Variants in RNGTT observed in about 807,000 individuals in gnomAD.
RNGTT encodes RNA guanylyltransferase and 5'-phosphatase.
RNGTT carries 33 observed loss-of-function variants against 79.3 expected under a neutral mutation model. That is an observed-to-expected ratio of 0.42 (90% CI 0.32 to 0.56). RNGTT has a LOEUF of 0.56. Ranked by LOEUF, RNGTT falls within the 20% of genes least tolerant of loss-of-function variation. The pLI, the probability that RNGTT is intolerant of heterozygous loss-of-function variation, is 0.17. For missense variants in RNGTT, 497 were observed against 739.1 expected (o/e 0.67, Z 3.80); for synonymous variants, 222 against 235.9 (o/e 0.94, Z 0.54).
chr6:88,930,198 A>G (rs1282179538), intron 2 of RNGTT, among the ~76,000 whole-genome samples: 2 of 142,698 alleles, frequency 1.4e-5, no homozygotes, highest in Admixed American at 6.9e-5. Flanking sequence ...ATATACATAA[A>G]CATATATACA....
At chr6:88,860,337 C>T (rs766111522) in intron 8 of RNGTT, among the ~76,000 whole-genome samples, 1 of 152,110 alleles carries the variant, frequency 6.6e-6, no homozygotes, top group African/African-American at 2.4e-5. Context: ...TTGGAAGAAA[C>T]GATGGACACC....
At chr6:88,935,912 A>G (rs186658702) in intron 2 of RNGTT, among the ~76,000 whole-genome samples, 72 of 152,128 alleles carry the variant, frequency 4.7e-4, no homozygotes, top group African/African-American at 1.6e-3. Context: ...TTGTATGTTG[A>G]TTTCTTTTTT....
At chr6:88,842,517 T>A (rs1419708217) in intron 11 of RNGTT, among the ~76,000 whole-genome samples, 1 of 151,776 alleles carries the variant, frequency 6.6e-6, no homozygotes, top group Non-Finnish European at 1.5e-5. Flanking sequence ...ATAAACAGAA[T>A]TAGTATGTTC....
At chr6:88,830,609 A>C (rs1780827468) in intron 11 of RNGTT, among the ~76,000 whole-genome samples, 1 of 146,838 alleles carries the variant, frequency 6.8e-6, no homozygotes, top group African/African-American at 2.6e-5. Flanking sequence ...AGAGAGACAC[A>C]AAAAAAAAAC....
At chr6:88,876,695 C>G (rs1782529781) in intron 8 of RNGTT, among the ~76,000 whole-genome samples, 1 of 152,142 alleles carries the variant, frequency 6.6e-6, no homozygotes, top group African/African-American at 2.4e-5. Context: ...TTGTTTGGGT[C>G]CAGTAGCCCA....
At chr6:88,945,574 A>G (rs922231578) in intron 1 of RNGTT, among the ~76,000 whole-genome samples, 2 of 152,068 alleles carry the variant, frequency 1.3e-5, no homozygotes, top group African/African-American at 4.8e-5. Context: ...TCAGGTTTCT[A>G]TGGGTTCCAC....
intron 11 of RNGTT, among the ~76,000 whole-genome samples, chr6:88,839,534 C>T (rs1781195428): frequency 6.6e-6 from 1 of 151,860 alleles, no homozygotes; most frequent in Non-Finnish European, 1.5e-5. Context: ...CGCACCACTG[C>T]ACTCTAGCCT....
chr6:88,705,609 C>A (rs1776102663), intron 13 of RNGTT, among the ~76,000 whole-genome samples: 2 of 151,952 alleles, frequency 1.3e-5, no homozygotes, highest in African/African-American at 4.8e-5. Flanking sequence ...TAATTTAGTT[C>A]AAGAAAAAGA....
At chr6:88,928,555 A>G (rs1352909431) in intron 4 of RNGTT, among the ~76,000 whole-genome samples, 2 of 152,192 alleles carry the variant, frequency 1.3e-5, no homozygotes, top group Non-Finnish European at 2.9e-5. Context: ...TTGTGCATCA[A>G]CAAGAGTATA....
At chr6:88,697,286 T>C (rs2127798855) in intron 13 of RNGTT, among the ~76,000 whole-genome samples, 1 of 152,268 alleles carries the variant, frequency 6.6e-6, no homozygotes, top group Middle Eastern at 3.4e-3. Context: ...AATATGAATT[T>C]TGCCCCTGTA....
chr6:88,631,566 C>G (rs1772887232), intron 14 of RNGTT, among the ~76,000 whole-genome samples: 1 of 152,208 alleles, frequency 6.6e-6, no homozygotes, highest in African/African-American at 2.4e-5. Context: ...CTCATGACTT[C>G]CTCGCTTTTG....
At chr6:88,941,951 G>A (rs1033012900) in intron 1 of RNGTT, among the ~76,000 whole-genome samples, 3 of 152,108 alleles carry the variant, frequency 2.0e-5, no homozygotes, top group Non-Finnish European at 4.4e-5. Flanking sequence ...CTCCCAAGTA[G>A]CTGGGACTGC....
At chr6:88,785,740 T>G (rs940785405) in intron 12 of RNGTT, among the ~76,000 whole-genome samples, 2 of 152,148 alleles carry the variant, frequency 1.3e-5, no homozygotes, top group Non-Finnish European at 2.9e-5. Flanking sequence ...TAATTTGTCA[T>G]GTACTTCAAG....
chr6:88,731,274 G>T (rs1476059238), intron 13 of RNGTT, among the ~76,000 whole-genome samples: 1 of 152,162 alleles, frequency 6.6e-6, no homozygotes, highest in Non-Finnish European at 1.5e-5. Flanking sequence ...GTCTTAGCTA[G>T]ACTAAAAGAA....
At chr6:88,812,796 C>A (rs757374342) in intron 11 of RNGTT, among the ~76,000 whole-genome samples, 2 of 152,170 alleles carry the variant, frequency 1.3e-5, no homozygotes, top group African/African-American at 4.8e-5. Context: ...GACCTAAATA[C>A]ACATAAAATA....
chr6:88,662,365 A>AT (rs939475801), intron 14 of RNGTT, among the ~76,000 whole-genome samples: 2 of 152,204 alleles, frequency 1.3e-5, no homozygotes, highest in Non-Finnish European at 2.9e-5. Flanking sequence ...GCTAGCCCCC[A>AT]TCACTGATGC....
At chr6:88,876,657 T>C (rs1025681971) in intron 8 of RNGTT, among the ~76,000 whole-genome samples, 1 of 152,240 alleles carries the variant, frequency 6.6e-6, no homozygotes, top group African/African-American at 2.4e-5. Context: ...AAATTCAATC[T>C]CTTTATCCTG....
chr6:88,888,074 G>A (rs1263323185), intron 8 of RNGTT, among the ~76,000 whole-genome samples: 1 of 152,018 alleles, frequency 6.6e-6, no homozygotes, highest in African/African-American at 2.4e-5. Context: ...CAATCACTGT[G>A]CCACTGCACT....
chr6:88,677,972 A>T (rs1363755631), intron 14 of RNGTT: 1 of 145,480 alleles, frequency 6.9e-6, no homozygotes, highest in Non-Finnish European at 1.5e-5. Flanking sequence ...TTATCACCTC[A>T]CATTCACTTT....
Sources: allele counts gnomAD v4.1 joint callset (sites outside exome capture counted in the v4.1 genomes callset), GRCh38; gene constraint gnomAD v4.1.1; transcripts MANE v1.5; gene names NCBI Gene and HGNC (gene_info 2026-07-23, HGNC 2026-07-21).